Variants in TBC1D28 observed in about 807,000 individuals in gnomAD.
TBC1D28 encodes the protein TBC1 domain family, member 28.
A neutral mutation model predicts 29.2 loss-of-function variants in TBC1D28; 20 were observed. The ratio of observed to expected loss-of-function variants is 0.68; its 90% CI spans 0.48 to 0.99. The LOEUF (loss-of-function observed/expected upper bound fraction) is 0.99, where lower values mean the gene tolerates loss of function less well. Ranked by LOEUF, TBC1D28 falls within the 50% of genes least tolerant of loss-of-function variation. The pLI is 0.00. For missense variants in TBC1D28, 205 were observed against 243.7 expected (o/e 0.84, Z 1.06); for synonymous variants, 65 against 90.9 (o/e 0.71, Z 1.62).
At chr17:18,634,492 C>T (rs1373807945), downstream of TBC1D28, among the ~76,000 whole-genome samples, 1 of 151,636 alleles carries the variant, frequency 6.6e-6, no homozygotes, top group African/African-American at 2.4e-5. Flanking sequence ...CTATCAGTTC[C>T]AGGAAAGTTT....
chr17:18,636,299 A>T, exon 9 of TBC1D28: 1 of 1,427,628 alleles, frequency 7.0e-7, no homozygotes, highest in Non-Finnish European at 9.1e-7. Context: ...GACCCTGCCA[A>T]GCTCCTAGGC....
chr17:18,638,982 G>T, intron 5 of TBC1D28, 193 bp downstream of exon 6: 2 of 996,052 alleles, frequency 2.0e-6, no homozygotes, highest in Non-Finnish European at 2.9e-6. Context: ...TCTGAGCCAG[G>T]ACTACAGTTC....
intron 5 of TBC1D28, 139 bp downstream of exon 6, chr17:18,639,036 C>G (rs1168400632): frequency 7.4e-7 from 1 of 1,344,104 alleles, no homozygotes; most frequent in Non-Finnish European, 1.0e-6. Flanking sequence ...CAGAGTCCAG[C>G]AGGAAAGGCC....
At chr17:18,644,115 G>C (rs2031891312), upstream of TBC1D28, among the ~76,000 whole-genome samples, 1 of 151,786 alleles carries the variant, frequency 6.6e-6, no homozygotes, top group Admixed American at 6.6e-5. Flanking sequence ...CTTGTGGAAT[G>C]GGTACATTCG....
chr17:18,634,721 AAGC>A (rs1269432399), downstream of TBC1D28, among the ~76,000 whole-genome samples: 1 of 152,254 alleles, frequency 6.6e-6, no homozygotes, highest in Non-Finnish European at 1.5e-5. Flanking sequence ...CCCAGAGAGA[AAGC>A]AGCCCGAGGG....
chr17:18,637,719 G>C, intron 8 of TBC1D28, 145 bp downstream of exon 9: 2 of 1,337,250 alleles, frequency 1.5e-6, no homozygotes, highest in South Asian at 2.6e-5. Context: ...CTCAGTCCAT[G>C]GTGCCGGCTG....
exon 9 of TBC1D28, chr17:18,635,959 C>T (rs1195965646): frequency 7.1e-6 from 7 of 992,250 alleles, no homozygotes; most frequent in Middle Eastern, 5.0e-4. Context: ...GAACTGGCCA[C>T]GGTCCTGCAA....
At chr17:18,643,400 G>C (rs1263085963), upstream of TBC1D28, among the ~76,000 whole-genome samples, 1 of 150,300 alleles carries the variant, frequency 6.7e-6, no homozygotes, top group Non-Finnish European at 1.5e-5. Context: ...CGTGCCTGAG[G>C]TCACCAAGCA....
intron 7 of TBC1D28, 60 bp downstream of exon 8, chr17:18,638,253 G>A: frequency 6.3e-7 from 1 of 1,583,764 alleles, no homozygotes; most frequent in Non-Finnish European, 8.6e-7. Flanking sequence ...CTGGAGTCCT[G>A]GGATCCTGAT....
At chr17:18,638,174 C>A (rs989347755) in intron 7 of TBC1D28, 139 bp downstream of exon 8, 6 of 1,277,878 alleles carry the variant, frequency 4.7e-6, no homozygotes, top group African/African-American at 4.5e-5. Flanking sequence ...GCCTGAGTTA[C>A]CATCTATGCC....
intron 4 of TBC1D28, among the ~76,000 whole-genome samples, chr17:18,640,436 C>G (rs866520051): frequency 0.015 from 2,264 of 149,700 alleles, 64 homozygotes; most frequent in African/African-American, 0.053. Flanking sequence ...TTACCAGGCC[C>G]AGGTCCCTTC....
chr17:18,634,946 A>G (rs2031421545), downstream of TBC1D28: 3 of 155,346 alleles, frequency 1.9e-5, no homozygotes, highest in African/African-American at 7.2e-5. Context: ...GGCGCTGCCC[A>G]GCGGGCTCCA....
chr17:18,639,105 C>T (rs868678301), intron 5 of TBC1D28, 70 bp downstream of exon 6: 1 of 1,300,660 alleles, frequency 7.7e-7, no homozygotes, highest in Admixed American at 2.2e-5. Flanking sequence ...AGGCCACCCC[C>T]TCTGCCTTAC....
upstream of TBC1D28, chr17:18,644,196 A>G (rs1488449865): frequency 1.3e-5 from 2 of 151,466 alleles, no homozygotes; most frequent in Non-Finnish European, 2.9e-5. Context: ...CTCAGGGATG[A>G]CCCTCCTCGG....
downstream of TBC1D28, among the ~76,000 whole-genome samples, chr17:18,634,774 C>CCGGCCAGGCTG (rs2031397386): frequency 6.6e-6 from 1 of 152,258 alleles, no homozygotes; most frequent in Non-Finnish European, 1.5e-5. Flanking sequence ...GCGGCAGGGA[C>CCGGCCAGGCTG]CGGCCAGGCT....
chr17:18,640,950 A>T, intron 4 of TBC1D28, 72 bp downstream of exon 5: 1 of 459,712 alleles, frequency 2.2e-6, no homozygotes, highest in Non-Finnish European at 3.7e-6. Context: ...TGCTTCAGAG[A>T]GGCCTTTCTA....
chr17:18,638,467 C>T (rs749377089), intron 6 of TBC1D28, 47 bp from the exon 8 acceptor site: 65 of 1,608,360 alleles, frequency 4.0e-5, no homozygotes, highest in Admixed American at 3.0e-4. Flanking sequence ...GGGGCAACCC[C>T]GCAGAGGAAA....
At chr17:18,636,380 A>T in exon 9 of TBC1D28, 3 of 1,569,556 alleles carry the variant, frequency 1.9e-6, no homozygotes, top group Non-Finnish European at 2.6e-6. Context: ...ATGTGAGACC[A>T]GGAGTCTGGG....
chr17:18,641,248 C>T (rs753642105), intron 3 of TBC1D28, 30 bp downstream of exon 4: 2 of 1,597,462 alleles, frequency 1.3e-6, no homozygotes, highest in South Asian at 2.3e-5. Flanking sequence ...CGAGGCCCTG[C>T]TTCCCTTGAG....
Sources: allele counts gnomAD v4.1 joint callset (sites outside exome capture counted in the v4.1 genomes callset), GRCh38; gene constraint gnomAD v4.1.1; transcripts MANE v1.5; gene names NCBI Gene and HGNC (gene_info 2026-07-23, HGNC 2026-07-21).